Variants in RAB40C observed in about 807,000 individuals in gnomAD.
RAB40C encodes the protein ras-related protein Rab-40C.
Under a neutral mutation model 28.1 loss-of-function variants are expected in RAB40C, and 8 were observed. The observed-to-expected ratio is 0.28, with a 90% CI of 0.17 to 0.51. The LOEUF (loss-of-function observed/expected upper bound fraction) is 0.51. RAB40C is among the 20% of genes least tolerant of loss of function. The pLI, the probability that RAB40C is intolerant of heterozygous loss-of-function variation, is 0.97. For missense variants in RAB40C, 288 were observed against 405.9 expected (o/e 0.71, Z 2.50); for synonymous variants, 201 against 171.7 (o/e 1.17, Z -1.34).
At chr16:603,967 A>G (rs1302486129) in intron 1 of RAB40C, among the ~76,000 whole-genome samples, 1 of 152,084 alleles carries the variant, frequency 6.6e-6, no homozygotes, top group Admixed American at 6.5e-5. Context: ...CAGTTTGTTT[A>G]TGCATTTACC....
In RAB40C at chr16:625,110, G is replaced by A. The variant is rs534269888; in HGVS notation, c.265-322G>A. The A allele has an allele frequency of 3.8e-3, 4,990 of 1,323,280 alleles. 13 individuals carry two copies. The highest frequency in any genetic ancestry group is 4.7e-3 in the Non-Finnish European group (4,723 of 1,011,120). The allele number at this position is 1,323,280 out of a possible 1,614,324, so 82.0% of individuals were successfully genotyped here. The stretch of plus-strand genomic sequence containing the variant: ...GGACACTTAGCTTCCACAGCTGCAC[G>A]TCCCCCGGCTGCCAGAACCCCGCAT... On this transcript the variant is annotated intron_variant, in intron 3 of 5. Coordinates refer to ENST00000248139, the MANE Select transcript of RAB40C (RefSeq NM_021168.5).
chr16:619,203 A>G (rs1252569561), intron 3 of RAB40C, among the ~76,000 whole-genome samples: 4 of 129,356 alleles, frequency 3.1e-5, no homozygotes, highest in African/African-American at 1.2e-4. Flanking sequence ...ACTCAGGGCC[A>G]TGTGTGTGTG....
At chr16:607,069 G>A (rs1453042547) in intron 1 of RAB40C, among the ~76,000 whole-genome samples, 1 of 152,182 alleles carries the variant, frequency 6.6e-6, no homozygotes, top group African/African-American at 2.4e-5. Flanking sequence ...AGGGTGCTAC[G>A]CAGGCTCAGC....
chr16:591,164 G>A (rs4984898), intron 1 of RAB40C, among the ~76,000 whole-genome samples: 5 of 145,428 alleles, frequency 3.4e-5, no homozygotes, highest in Non-Finnish European at 6.0e-5. Context: ...ATGGGTCTGG[G>A]ATCTCAGGGG....
chr16:594,687 T>C (rs1437284061), intron 1 of RAB40C, among the ~76,000 whole-genome samples: 1 of 152,140 alleles, frequency 6.6e-6, no homozygotes, highest in Non-Finnish European at 1.5e-5. Flanking sequence ...AGGTTCTAGC[T>C]GTGTGTCTTT....
intron 5 of RAB40C, among the ~76,000 whole-genome samples, chr16:626,830 C>T (rs1199163843): frequency 6.6e-6 from 1 of 152,154 alleles, no homozygotes; most frequent in Non-Finnish European, 1.5e-5. Context: ...CCCAGCTATT[C>T]GGGAGGCTGA....
intron 1 of RAB40C, among the ~76,000 whole-genome samples, chr16:614,906 C>T (rs1003940748): frequency 5.3e-5 from 8 of 152,236 alleles, no homozygotes; most frequent in Admixed American, 2.0e-4. Context: ...TAGTGAACTG[C>T]CTAACTCTAC....
chr16:624,855 G>A (rs1040104175), intron 3 of RAB40C: 2 of 985,358 alleles, frequency 2.0e-6, no homozygotes, highest in African/African-American at 3.5e-5. Flanking sequence ...AGATATTTAG[G>A]GCAGGTGGAA....
intron 1 of RAB40C, 30 bp downstream of exon 1, chr16:590,463 A>G (rs755668269): frequency 5.2e-6 from 8 of 1,529,362 alleles, no homozygotes; most frequent in South Asian, 1.2e-5. Flanking sequence ...GCGCGCTGCT[A>G]CGCGGGGCCC....
intron 1 of RAB40C, among the ~76,000 whole-genome samples, chr16:594,438 G>A (rs17138487): frequency 0.014 from 2,191 of 152,244 alleles, 52 homozygotes; most frequent in African/African-American, 0.049. Context: ...GGGGCCACAC[G>A]CTGCCTGCTG....
intron 3 of RAB40C, chr16:624,028 A>G (rs2036775922): frequency 1.0e-6 from 1 of 985,298 alleles, no homozygotes; most frequent in Non-Finnish European, 1.2e-6. Flanking sequence ...GCACGCTTTT[A>G]CATGCACTGC....
intron 2 of RAB40C, 59 bp downstream of exon 2, chr16:617,327 A>G: frequency 6.3e-7 from 1 of 1,591,104 alleles, no homozygotes. Context: ...CGAAGGGAGA[A>G]CAGAACCCTT....
rs1357507164 is a variant in RAB40C at position 590,443 on chromosome 16, G to A, written c.142+10G>A. 2 of 1,568,932 alleles carry A rather than the reference G, an allele frequency of 1.3e-6. No homozygotes were observed. The highest frequency in any genetic ancestry group is 1.8e-5 in the Admixed American group (1 of 54,484). Reference sequence around the variant, plus strand: ...TACGCCTACAGTAACGGTAAGGCCCGGCCCGCGGCGCGCGCTGCTACGCGG... The same window carrying A: ...TACGCCTACAGTAACGGTAAGGCCCAGCCCGCGGCGCGCGCTGCTACGCGG... On this transcript the variant is annotated intron_variant, in intron 1 of 5. Transcript: ENST00000248139.
At chr16:611,194 G>T (rs549616396) in intron 1 of RAB40C, among the ~76,000 whole-genome samples, 1 of 152,256 alleles carries the variant, frequency 6.6e-6, no homozygotes, top group South Asian at 2.1e-4. Flanking sequence ...TGGGTGACGT[G>T]GTCCCCAGGC....
intron 1 of RAB40C, among the ~76,000 whole-genome samples, chr16:611,602 GC>G (rs1394188324): frequency 2.6e-5 from 4 of 152,158 alleles, no homozygotes; most frequent in African/African-American, 9.6e-5. Context: ...GCACGGGACA[GC>G]CGCCCTGGCC....
At chr16:617,988 CG>C (rs981277648) in intron 2 of RAB40C, among the ~76,000 whole-genome samples, 2 of 152,240 alleles carry the variant, frequency 1.3e-5, no homozygotes, top group African/African-American at 4.8e-5. Context: ...CCCAGGTGGG[CG>C]GGGGCCCCTT....
chr16:614,196 T>TGGTGAACTGCCGAACTCTACCGCATCCCG lies in RAB40C; in HGVS notation c.143-3012_143-3011insGGTGAACTGCCGAACTCTACCGCATCCCG, dbSNP rs1567190636. Among the ~76,000 whole-genome samples the TGGTGAACTGCCGAACTCTACCGCATCCCG allele has an allele frequency of 1.1e-4, 12 of 108,564 alleles. 1 individual carries two copies. Among genetic ancestry groups the TGGTGAACTGCCGAACTCTACCGCATCCCG allele is most frequent in the Non-Finnish European group, 1.0e-4 (5 of 47,756 alleles). The allele number at this position is 108,564 out of a possible 152,430, so 71.2% of individuals were successfully genotyped here. A position where few individuals can be genotyped will look rare whatever the true frequency, so the allele number is the denominator to read the frequency against. ...GAACTGCCGAACTCTACCGCATCCC[T>TGGTGAACTGCCGAACTCTACCGCATCCCG]ATGGTGAACTGCTAACTCTGCCGCA... On this transcript the variant is annotated intron_variant, in intron 1 of 5. Transcript: ENST00000248139.
At chr16:622,394 G>A (rs1212592482) in intron 3 of RAB40C, among the ~76,000 whole-genome samples, 3 of 151,558 alleles carry the variant, frequency 2.0e-5, no homozygotes, top group African/African-American at 4.9e-5. Context: ...AGGCATGAGC[G>A]GCACCGTGGA....
chr16:605,183 C>G (rs987549625), intron 1 of RAB40C, among the ~76,000 whole-genome samples: 5 of 152,202 alleles, frequency 3.3e-5, no homozygotes, highest in African/African-American at 9.7e-5. Context: ...CGTGATTGTT[C>G]CGCTGCACTC....
Sources: gnomAD v4.1 joint callset for allele counts (sites outside exome capture counted in the v4.1 genomes callset) on GRCh38, gnomAD v4.1.1 for gene constraint, MANE v1.5 for transcripts, NCBI Gene and HGNC (gene_info 2026-07-23, HGNC 2026-07-21) for gene names.